The following GALNT18 variants were observed in gnomAD, a reference collection of about 807,000 sequenced individuals.
GALNT18 encodes the protein GalNAc-transferase 18.
GALNT18 carries 44 observed loss-of-function variants against 69.5 expected under a neutral mutation model. The ratio of observed to expected loss-of-function variants is 0.63; its 90% CI spans 0.50 to 0.81. GALNT18 has a LOEUF of 0.81. Ranked by LOEUF, GALNT18 falls within the 40% of genes least tolerant of loss-of-function variation. The pLI, the probability that GALNT18 is intolerant of heterozygous loss-of-function variation, is 0.00. For synonymous variants in GALNT18, 364 were observed against 318.2 expected (o/e 1.14, Z -1.53); for missense variants, 715 against 810.0 (o/e 0.88, Z 1.42).
intron 9 of GALNT18, among the ~76,000 whole-genome samples, chr11:11,298,079 C>T (rs943998402): frequency 2.0e-5 from 3 of 152,210 alleles, no homozygotes; most frequent in African/African-American, 2.4e-5. Context: ...GGCTGGGTAA[C>T]GTCCCCCAGG....
At chr11:11,307,686 T>G (rs577866257) in intron 9 of GALNT18, among the ~76,000 whole-genome samples, 3 of 152,282 alleles carry the variant, frequency 2.0e-5, no homozygotes, top group Non-Finnish European at 4.4e-5. Flanking sequence ...CCTTTGCTGG[T>G]GCATATCCCA....
rs1853807579 is a variant in GALNT18, at chr11:11,377,862, C to T, written c.780-483G>A. The stretch of plus-strand genomic sequence containing the variant: ...TACATCCACCAGCCATGCGATGTTG[C>T]CCTGGAATGCCAGCTGTGCCACATC... On this transcript the variant is annotated intron_variant, in intron 4 of 10. Coordinates refer to ENST00000227756, the MANE Select transcript of GALNT18 (RefSeq NM_198516.3). The surrounding 1 kb of genome is among the most constrained non-coding windows in gnomAD (Gnocchi z 4.6). Among the ~76,000 whole-genome samples, 1 of 152,090 alleles carries T rather than the reference C, an allele frequency of 6.6e-6. No individual in the cohort carries two copies. Among genetic ancestry groups the T allele is most frequent in the South Asian group, 2.1e-4 (1 of 4,824 alleles).
intron 1 of GALNT18, among the ~76,000 whole-genome samples, chr11:11,472,220 G>C (rs1856289224): frequency 6.6e-6 from 1 of 152,208 alleles, no homozygotes; most frequent in South Asian, 2.1e-4. Context: ...TGCCTGGCTG[G>C]AGCAGAAAGA....
Position 11,435,750 on chromosome 11 carries a change from C to T in GALNT18, c.429-2963G>A, listed in dbSNP as rs1175484110. ...CGCTGATGTCAGACTGCTCCTTTTT[C>T]TTACAAACCTCCTCCCTTGGAAGGA... On this transcript the variant is annotated intron_variant, in intron 2 of 10. Coordinates refer to ENST00000227756, the MANE Select transcript of GALNT18 (RefSeq NM_198516.3). This position sits in a 1 kb window ranked among gnomAD's most constrained non-coding sequence, Gnocchi z 4.4. 2.0e-5 allele frequency among the ~76,000 whole-genome samples: 3 copies of T among 152,270 alleles called. No individual in the cohort carries two copies. The highest frequency in any genetic ancestry group is 3.9e-4 in the East Asian group (2 of 5,162).
At chr11:11,434,275 T>C (rs759390397) in intron 2 of GALNT18, among the ~76,000 whole-genome samples, 1 of 152,192 alleles carries the variant, frequency 6.6e-6, no homozygotes, top group African/African-American at 2.4e-5. Context: ...TTTTCCTAAA[T>C]CTACTTCGTA....
rs1400029841 is a variant in GALNT18 at position 11,444,199 on chromosome 11, C to T, written c.428+4545G>A. 6.6e-6 allele frequency among the ~76,000 whole-genome samples: 1 copy of T among 152,012 alleles called. No individual in the cohort carries two copies. Among genetic ancestry groups the T allele is most frequent in the Non-Finnish European group, 1.5e-5 (1 of 67,988 alleles). On this transcript the variant is annotated intron_variant, in intron 2 of 10. Transcript: ENST00000227756. This position sits in a 1 kb window ranked among gnomAD's most constrained non-coding sequence, Gnocchi z 4.4. ...CCACAGAGAGGTGCCTTGCAGATGC[C>T]ACCCTCCAGGCCCCGCCTCCCTGCC...
chr11:11,403,359 C>T (rs723459), intron 3 of GALNT18, among the ~76,000 whole-genome samples: 67,926 of 151,972 alleles, frequency 0.45, 16,107 homozygotes, highest in East Asian at 0.84. Flanking sequence ...AGAAAAGTCT[C>T]TCTCAAGTAT....
intron 7 of GALNT18, among the ~76,000 whole-genome samples, chr11:11,334,467 C>G (rs1349845986): frequency 6.6e-6 from 1 of 151,234 alleles, no homozygotes; most frequent in African/African-American, 2.4e-5. Context: ...GGTGTGAACC[C>G]AGGAGGTGGA....
At chr11:11,572,771 G>A (rs1395243650) in intron 1 of GALNT18, among the ~76,000 whole-genome samples, 1 of 152,218 alleles carries the variant, frequency 6.6e-6, no homozygotes, top group South Asian at 2.1e-4. Context: ...TGCAGAAGCA[G>A]GCGCCAGCTT....
In GALNT18 at chr11:11,621,920, T is replaced by G. The variant is rs1330439058; in HGVS notation, c.-327A>C. On this transcript the variant is annotated 5_prime_UTR_variant, in exon 1 of 11. Coordinates refer to ENST00000227756, the MANE Select transcript of GALNT18 (RefSeq NM_198516.3). The surrounding 1 kb of genome is among the most constrained non-coding windows in gnomAD (Gnocchi z 9.3). ...GTGTACGTCTGGGAAACTTTGCCAC[T>G]GCCTGTGTCGGCGGCCACGCCGCTT... The G allele has an allele frequency of 4.9e-6, 1 of 205,658 alleles. No homozygotes were observed. The highest frequency in any genetic ancestry group is 9.7e-6 in the Non-Finnish European group (1 of 103,228). 12.7% of individuals were successfully genotyped at this position (205,658 alleles called of 1,614,324 possible).
intron 1 of GALNT18, among the ~76,000 whole-genome samples, chr11:11,550,425 A>T (rs985937396): frequency 4.6e-5 from 7 of 152,162 alleles, no homozygotes; most frequent in African/African-American, 1.4e-4. Flanking sequence ...AACTTGGCCA[A>T]TCCTTGTGCC....
intron 1 of GALNT18, among the ~76,000 whole-genome samples, chr11:11,536,111 G>C (rs1366366787): frequency 6.6e-6 from 1 of 152,202 alleles, no homozygotes. Flanking sequence ...ATAGTTTTAA[G>C]GGGCCTGTAC....
intron 10 of GALNT18, among the ~76,000 whole-genome samples, chr11:11,279,098 C>A (rs1438281043): frequency 6.6e-6 from 1 of 151,982 alleles, no homozygotes; most frequent in African/African-American, 2.4e-5. Flanking sequence ...TGGGCTCTCT[C>A]CGCTCTGAGT....
chr11:11,373,912 G>C (rs1850972136), intron 5 of GALNT18, among the ~76,000 whole-genome samples: 1 of 152,200 alleles, frequency 6.6e-6, no homozygotes, highest in African/African-American at 2.4e-5. Flanking sequence ...AGGCTCCTCA[G>C]GGATGAGAAA....
intron 10 of GALNT18, among the ~76,000 whole-genome samples, chr11:11,286,238 A>G (rs1849190657): frequency 6.6e-6 from 1 of 152,250 alleles, no homozygotes; most frequent in African/African-American, 2.4e-5. Flanking sequence ...ATACTCATTT[A>G]AATTTGCACT....
intron 10 of GALNT18, among the ~76,000 whole-genome samples, chr11:11,284,914 T>G (rs1399465086): frequency 8.9e-6 from 1 of 111,946 alleles, no homozygotes; most frequent in Non-Finnish European, 2.0e-5. Context: ...TCGTGTTTTT[T>G]TTTTTTTTTT....
intron 3 of GALNT18, among the ~76,000 whole-genome samples, chr11:11,385,981 G>A (rs142638265): frequency 3.9e-5 from 6 of 152,254 alleles, no homozygotes; most frequent in African/African-American, 1.4e-4. Flanking sequence ...CTGGAGTGAT[G>A]TATCTCTAAG....
intron 6 of GALNT18, chr11:11,352,781 A>G (rs993236126): frequency 6.2e-7 from 1 of 1,614,176 alleles, no homozygotes; most frequent in Non-Finnish European, 8.5e-7. Flanking sequence ...TTACGTGTTC[A>G]AAAACCAAGG....
rs1264740588 is a variant in GALNT18, at chr11:11,511,334, C to T, written c.236-62398G>A. On this transcript the variant is annotated intron_variant, in intron 1 of 10. Coordinates refer to ENST00000227756, the MANE Select transcript of GALNT18 (RefSeq NM_198516.3). The surrounding 1 kb of genome is among the most constrained non-coding windows in gnomAD (Gnocchi z 4.9). ...ACTGCCACCAGGCCCTGGTCTCAGA[C>T]CTTACACACTGGTCTGCAAAGAGCT... 6.6e-6 allele frequency among the ~76,000 whole-genome samples: 1 copy of T among 152,154 alleles called. No individual in the cohort carries two copies. The highest frequency in any genetic ancestry group is 2.4e-5 in the African/African-American group (1 of 41,426).
Sources: gnomAD v4.1 joint callset for allele counts (sites outside exome capture counted in the v4.1 genomes callset) on GRCh38, gnomAD v4.1.1 for gene constraint, Gnocchi (gnomAD v3.1) non-coding constraint, MANE v1.5 for transcripts, NCBI Gene and HGNC (gene_info 2026-07-23, HGNC 2026-07-21) for gene names.